The following PRDM16 variants were observed in gnomAD, a reference collection of about 807,000 sequenced individuals.
PRDM16 encodes the protein histone-lysine N-methyltransferase PRDM16.
A neutral mutation model predicts 110.6 loss-of-function variants in PRDM16; 23 were observed. The ratio of observed to expected loss-of-function variants is 0.21; its 90% confidence interval spans 0.15 to 0.29. The LOEUF (loss-of-function observed/expected upper bound fraction) is 0.29. Ranked by LOEUF, PRDM16 falls within the 10% of genes least tolerant of loss-of-function variation. The pLI, the probability that PRDM16 is intolerant of heterozygous loss-of-function variation, is 1.00. For synonymous variants in PRDM16, 799 were observed against 781.8 expected, an observed-to-expected ratio of 1.02 and a Z score of -0.37; for missense variants, 1,615 against 1,794.3, an observed-to-expected ratio of 0.90 and a Z score of 1.81.
chr1:3,434,479 A>G lies in PRDM16; in HGVS notation c.*668A>G, dbSNP rs370949423. ...GGAGAAATTTTCTATCTCTGTCCCT[A>G]TTTGTATAAGCCAAGGTGATGCTGG... is the stretch of plus-strand genomic sequence containing the variant. On this transcript the variant is annotated 3_prime_UTR_variant, in exon 17 of 17. Transcript: ENST00000270722. 2.2e-5 allele frequency: 5 copies of G among 231,000 alleles called. No homozygotes were observed. The highest frequency in any genetic ancestry group is 4.3e-5 in the Non-Finnish European group (5 of 116,776). The allele number at this position is 231,000 out of a possible 1,614,324, so 14.3% of individuals were successfully genotyped here.
At chr1:3,388,945 G>A (rs1000609818) in intron 4 of PRDM16, among the ~76,000 whole-genome samples, 2 of 152,230 alleles carry the variant, frequency 1.3e-5, no homozygotes, top group African/African-American at 4.8e-5. Flanking sequence ...TCTAGCTGAT[G>A]CTTTGGGGCG....
intron 1 of PRDM16, among the ~76,000 whole-genome samples, chr1:3,115,574 T>A (rs143404080): frequency 2.4e-4 from 37 of 152,326 alleles, no homozygotes; most frequent in African/African-American, 8.4e-4. Flanking sequence ...CTGTGCACAC[T>A]GCCCCGGCGC....
At chr1:3,284,907 A>G (rs1166271542) in intron 3 of PRDM16, among the ~76,000 whole-genome samples, 1 of 152,118 alleles carries the variant, frequency 6.6e-6, no homozygotes, top group South Asian at 2.1e-4. Flanking sequence ...AGCTTGGTGC[A>G]CCTACTCACC....
chr1:3,272,327 G>C (rs541684619), intron 3 of PRDM16, among the ~76,000 whole-genome samples: 1 of 152,174 alleles, frequency 6.6e-6, no homozygotes, highest in Admixed American at 6.5e-5. Flanking sequence ...GGCTCTCCGT[G>C]GGGGCTCTTT....
chr1:3,136,516 A>G (rs915421164), intron 1 of PRDM16, among the ~76,000 whole-genome samples: 4 of 152,134 alleles, frequency 2.6e-5, no homozygotes, highest in African/African-American at 9.7e-5. Context: ...GCCGGTTTCT[A>G]GTTTGGAGGT....
chr1:3,129,146 TGG>T (rs1643277354), intron 1 of PRDM16, among the ~76,000 whole-genome samples: 1 of 149,312 alleles, frequency 6.7e-6, no homozygotes, highest in African/African-American at 2.5e-5. Flanking sequence ...GTGTCCTGCC[TGG>T]CGTGCGTGTG....
At chr1:3,367,048 A>G (rs1206761592) in intron 3 of PRDM16, among the ~76,000 whole-genome samples, 2 of 152,204 alleles carry the variant, frequency 1.3e-5, no homozygotes, top group Admixed American at 6.5e-5. Flanking sequence ...CCGGTGGATC[A>G]CCTGAGGTCA....
intron 1 of PRDM16, among the ~76,000 whole-genome samples, chr1:3,172,541 C>T (rs1181908418): frequency 6.6e-6 from 1 of 152,224 alleles, no homozygotes; most frequent in Non-Finnish European, 1.5e-5. Context: ...AAAATGTGGA[C>T]ACACCACAGT....
intron 2 of PRDM16, among the ~76,000 whole-genome samples, chr1:3,235,714 G>A (rs763435310): frequency 1.3e-5 from 2 of 152,244 alleles, no homozygotes; most frequent in African/African-American, 4.8e-5. Context: ...GGGAAAGAGC[G>A]CCCGTGAGTC....
At chr1:3,102,958 T>A (rs563370418) in intron 1 of PRDM16, among the ~76,000 whole-genome samples, 1 of 152,340 alleles carries the variant, frequency 6.6e-6, no homozygotes, top group African/African-American at 2.4e-5. Flanking sequence ...ATCATTTCCT[T>A]CAAATCTTCC....
At chr1:3,303,004 C>G (rs1015577269) in intron 3 of PRDM16, among the ~76,000 whole-genome samples, 1 of 152,020 alleles carries the variant, frequency 6.6e-6, no homozygotes, top group African/African-American at 2.4e-5. Flanking sequence ...AAATAAAAAC[C>G]TATATAATAT....
chr1:3,407,564 C>G (rs1227665829), intron 8 of PRDM16, among the ~76,000 whole-genome samples: 1 of 152,200 alleles, frequency 6.6e-6, no homozygotes, highest in Non-Finnish European at 1.5e-5. Flanking sequence ...CAAGTGACTC[C>G]AGTGAGAGCG....
intron 1 of PRDM16, among the ~76,000 whole-genome samples, chr1:3,113,823 C>A (rs939357800): frequency 2.6e-5 from 4 of 152,244 alleles, no homozygotes; most frequent in African/African-American, 4.8e-5. Flanking sequence ...CTCGAAGGTG[C>A]CCCTGTGTCT....
At chr1:3,330,271 G>A (rs1056225024) in intron 3 of PRDM16, among the ~76,000 whole-genome samples, 5 of 152,226 alleles carry the variant, frequency 3.3e-5, no homozygotes, top group Non-Finnish European at 4.4e-5. Context: ...GCCCTGGCTG[G>A]CAGACAGAGC....
chr1:3,082,870 G>A (rs1453716882), intron 1 of PRDM16, among the ~76,000 whole-genome samples: 1 of 152,212 alleles, frequency 6.6e-6, no homozygotes, highest in Non-Finnish European at 1.5e-5. Flanking sequence ...GCAAGTGCCT[G>A]TGGCCCCTGG....
In PRDM16 at chr1:3,431,112, G is replaced by A; in HGVS notation, c.3521+4G>A. The stretch of plus-strand genomic sequence containing the variant: ...TGGGCTTTGACCACACCCGAAGGTG[G>A]GGGCAGCCGTGTGCTCCAGGATGGG... On this transcript the variant is annotated splice_donor_region_variant and intron_variant, in intron 15 of 16. Coordinates refer to ENST00000270722, the MANE Select transcript of PRDM16 (RefSeq NM_022114.4). 1 of 1,549,512 alleles carries A rather than the reference G, an allele frequency of 6.5e-7. No homozygotes were observed. The highest frequency in any genetic ancestry group is 1.2e-5 in the South Asian group (1 of 84,060).
intron 4 of PRDM16, among the ~76,000 whole-genome samples, chr1:3,388,551 C>A (rs549342000): frequency 6.6e-6 from 1 of 152,182 alleles, no homozygotes; most frequent in South Asian, 2.1e-4. Flanking sequence ...ACAGTGTAAA[C>A]GTCCTAAAAA....
At chr1:3,113,661 C>T (rs896153111) in intron 1 of PRDM16, among the ~76,000 whole-genome samples, 9 of 152,220 alleles carry the variant, frequency 5.9e-5, no homozygotes, top group Non-Finnish European at 1.2e-4. Context: ...GCAGCATTCC[C>T]GGCCCCCACC....
rs917817723 is a variant in PRDM16, at chr1:3,209,429, T to C, written c.387+22955T>C. Among the ~76,000 whole-genome samples the C allele has an allele frequency of 1.3e-5, 2 of 152,124 alleles. No homozygotes were observed. Among genetic ancestry groups the C allele is most frequent in the Non-Finnish European group, 2.9e-5 (2 of 68,030 alleles). ...CAGCCAGCCAGCTCTCCCTTCTTCCTGGGGAGGCCTGTGAAGGTCGCGTGA... is the reference window on the plus strand; with the variant it reads ...CAGCCAGCCAGCTCTCCCTTCTTCCCGGGGAGGCCTGTGAAGGTCGCGTGA... On this transcript the variant is annotated intron_variant, in intron 2 of 16. Coordinates refer to ENST00000270722, the MANE Select transcript of PRDM16 (RefSeq NM_022114.4). This position sits in a 1 kb window ranked among gnomAD's most constrained non-coding sequence, Gnocchi z 4.6.
Sources: gnomAD v4.1 joint callset for allele counts (sites outside exome capture counted in the v4.1 genomes callset) on GRCh38, gnomAD v4.1.1 for gene constraint, Gnocchi (gnomAD v3.1) non-coding constraint, MANE v1.5 for transcripts, NCBI Gene and HGNC (gene_info 2026-07-23, HGNC 2026-07-21) for gene names.